The following CNOT6L variants were observed in gnomAD, a reference collection of about 807,000 sequenced individuals.
The protein encoded by CNOT6L is CCR4-NOT transcription complex subunit 6 like.
Under a neutral mutation model 64.0 loss-of-function variants are expected in CNOT6L, and 7 were observed. The observed-to-expected ratio is 0.11, with a 90% confidence interval of 0.06 to 0.21. The LOEUF (loss-of-function observed/expected upper bound fraction) is 0.21. Among genes scored for constraint, CNOT6L ranks in the 10% least tolerant of loss-of-function variants. CNOT6L has a pLI of 1.00. For synonymous variants in CNOT6L, 193 were observed against 243.4 expected (o/e 0.79, Z 1.93); for missense variants, 245 against 669.0 (o/e 0.37, Z 6.99).
At chr4:77,724,195 C>T (rs1205897821) in intron 11 of CNOT6L, among the ~76,000 whole-genome samples, 2 of 151,372 alleles carry the variant, frequency 1.3e-5, no homozygotes, top group Non-Finnish European at 2.9e-5. Context: ...CTCAAAAATA[C>T]AAAAATTAGC....
At chr4:77,787,278 CAAT>C (rs959994430) in intron 1 of CNOT6L, among the ~76,000 whole-genome samples, 1 of 151,704 alleles carries the variant, frequency 6.6e-6, no homozygotes. Context: ...AAAATAATAA[CAAT>C]AATAATAATA....
chr4:77,763,534 A>G (rs901958128), intron 4 of CNOT6L, among the ~76,000 whole-genome samples: 19 of 152,184 alleles, frequency 1.2e-4, no homozygotes, highest in African/African-American at 4.6e-4. Flanking sequence ...ACTGAACTAC[A>G]TAAGAAAATA....
intron 4 of CNOT6L, among the ~76,000 whole-genome samples, chr4:77,760,860 C>CTTGTTTTTTT (rs1726134885): frequency 3.3e-5 from 1 of 29,978 alleles, no homozygotes; most frequent in Non-Finnish European, 5.7e-5. Flanking sequence ...CCATGCCTGG[C>CTTGTTTTTTT]TTTTTTTTTT....
intron 1 of CNOT6L, among the ~76,000 whole-genome samples, chr4:77,805,322 A>G (rs1203568590): frequency 1.3e-5 from 2 of 152,218 alleles, no homozygotes; most frequent in Non-Finnish European, 2.9e-5. Flanking sequence ...AGAAAAGTAC[A>G]TTACTATGAC....
chr4:77,802,257 T>C (rs1731669777), intron 1 of CNOT6L, among the ~76,000 whole-genome samples: 1 of 152,210 alleles, frequency 6.6e-6, no homozygotes, highest in Admixed American at 6.5e-5. Flanking sequence ...CAGCATTGAT[T>C]CTCTATCCTC....
At chr4:77,751,229 C>A (rs1334693244) in intron 5 of CNOT6L, among the ~76,000 whole-genome samples, 1 of 151,992 alleles carries the variant, frequency 6.6e-6, no homozygotes, top group Non-Finnish European at 1.5e-5. Flanking sequence ...TATTATCCAA[C>A]TGAAAAATAC....
chr4:77,790,358 G>A (rs1729982265), intron 1 of CNOT6L, among the ~76,000 whole-genome samples: 1 of 152,180 alleles, frequency 6.6e-6, no homozygotes, highest in Non-Finnish European at 1.5e-5. Flanking sequence ...TATGAATAAA[G>A]CTGCTATAAA....
At chr4:77,739,424 T>C (rs975706755) in intron 8 of CNOT6L, among the ~76,000 whole-genome samples, 2 of 152,236 alleles carry the variant, frequency 1.3e-5, no homozygotes, top group African/African-American at 4.8e-5. Context: ...ATGCTAAGTC[T>C]TTCAACATTA....
intron 1 of CNOT6L, among the ~76,000 whole-genome samples, chr4:77,806,175 C>A (rs548867915): frequency 5.4e-4 from 82 of 152,144 alleles, no homozygotes; most frequent in Non-Finnish European, 1.1e-3. Context: ...CCTATAATCC[C>A]AGCACTTTGG....
At chr4:77,724,322 AGAGT>A in intron 11 of CNOT6L, among the ~76,000 whole-genome samples, 1 of 150,580 alleles carries the variant, frequency 6.6e-6, no homozygotes, top group African/African-American at 2.4e-5. Flanking sequence ...TCTAGGTGAC[AGAGT>A]GAGACCCTGT....
intron 8 of CNOT6L, chr4:77,731,993 A>AG (rs1434722498): frequency 6.5e-6 from 1 of 153,058 alleles, no homozygotes; most frequent in African/African-American, 2.4e-5. Context: ...TAAGTTAATG[A>AG]GAAAAAGATA....
intron 1 of CNOT6L, among the ~76,000 whole-genome samples, chr4:77,785,835 A>C (rs1166001309): frequency 1.3e-5 from 2 of 152,244 alleles, no homozygotes; most frequent in Non-Finnish European, 2.9e-5. Context: ...GTGCTGAAGT[A>C]GAAGAGATGA....
At chr4:77,759,085 G>C (rs750390970) in intron 4 of CNOT6L, among the ~76,000 whole-genome samples, 1 of 151,930 alleles carries the variant, frequency 6.6e-6, no homozygotes, top group South Asian at 2.1e-4. Context: ...CAGAAAGAGA[G>C]ATTAGAGAGA....
intron 4 of CNOT6L, among the ~76,000 whole-genome samples, chr4:77,771,039 G>A (rs952625249): frequency 2.0e-5 from 3 of 152,158 alleles, no homozygotes; most frequent in African/African-American, 4.8e-5. Flanking sequence ...TAAATTATTC[G>A]CCCTGCACAG....
intron 1 of CNOT6L, among the ~76,000 whole-genome samples, chr4:77,777,631 A>G (rs903710377): frequency 1.3e-5 from 2 of 152,218 alleles, no homozygotes; most frequent in East Asian, 1.9e-4. Context: ...TGCTTTCAAT[A>G]AATTGCCACA....
At chr4:77,742,339 T>C (rs1723687120) in intron 7 of CNOT6L, 44 bp from the exon 8 acceptor site, 4 of 1,533,996 alleles carry the variant, frequency 2.6e-6, no homozygotes, top group African/African-American at 2.7e-5. Flanking sequence ...AGAGGGAAAA[T>C]GCTGATTAAG....
In CNOT6L at chr4:77,714,645, G is replaced by C. The variant is rs947993227; in HGVS notation, c.*5786C>G. On this transcript the variant is annotated 3_prime_UTR_variant, in exon 12 of 12. Coordinates refer to ENST00000504123, the MANE Select transcript of CNOT6L (RefSeq NM_144571.3). ...ACGAATGCCCATAGTGCACATCTCA[G>C]TGCTGCTGGTGTTTAAGAAATTTGT... is the stretch of plus-strand genomic sequence containing the variant. The C allele has an allele frequency of 6.6e-6, 1 of 152,490 alleles. No homozygotes were observed. Among genetic ancestry groups the C allele is most frequent in the African/African-American group, 2.4e-5 (1 of 41,426 alleles). The allele number at this position is 152,490 out of a possible 1,614,324, so 9.4% of individuals were successfully genotyped here. A position where few individuals can be genotyped will look rare whatever the true frequency, so the allele number is the denominator to read the frequency against.
At chr4:77,806,282 G>A (rs980235223) in intron 1 of CNOT6L, among the ~76,000 whole-genome samples, 5 of 152,022 alleles carry the variant, frequency 3.3e-5, no homozygotes, top group African/African-American at 1.2e-4. Context: ...AAAATTAGCC[G>A]GGCGTGGTGG....
chr4:77,790,000 T>C (rs1042702149), intron 1 of CNOT6L, among the ~76,000 whole-genome samples: 13 of 144,588 alleles, frequency 9.0e-5, no homozygotes, highest in Non-Finnish European at 1.8e-4. Flanking sequence ...ATCTGCTTAA[T>C]ACAACATACA....
Sources: gnomAD v4.1 joint callset for allele counts (sites outside exome capture counted in the v4.1 genomes callset) on GRCh38, gnomAD v4.1.1 for gene constraint, MANE v1.5 for transcripts, NCBI Gene and HGNC (gene_info 2026-07-23, HGNC 2026-07-21) for gene names.